The following DENND4C variants were observed in gnomAD, a reference collection of about 807,000 sequenced individuals.
DENND4C encodes the protein DENN domain containing 4C, also known as DENN domain-containing protein 4C.
Under a neutral mutation model 203.0 loss-of-function variants are expected in DENND4C, and 108 were observed. That is an observed-to-expected ratio of 0.53 (90% CI 0.46 to 0.62). The LOEUF is 0.62. Among genes scored for constraint, DENND4C ranks in the 20% least tolerant of loss-of-function variants. The pLI is 0.00. For synonymous variants in DENND4C, 871 were observed against 792.4 expected, an observed-to-expected ratio of 1.10 and a Z score of -1.67; for missense variants, 2,481 against 2,301.2, an observed-to-expected ratio of 1.08 and a Z score of -1.60.
intron 30 of DENND4C, among the ~76,000 whole-genome samples, chr9:19,365,634 C>A (rs934997599): frequency 6.7e-6 from 1 of 150,208 alleles, no homozygotes; most frequent in African/African-American, 2.4e-5. Context: ...TTTATTTTTT[C>A]TATATATATA....
At chr9:19,301,907 A>G (rs1838666849) in intron 9 of DENND4C, among the ~76,000 whole-genome samples, 1 of 152,220 alleles carries the variant, frequency 6.6e-6, no homozygotes, top group Non-Finnish European at 1.5e-5. Context: ...ACTGCACTCC[A>G]GCCTGGTGAC....
At position 19,266,072 on chromosome 9, in the gene DENND4C, A is replaced by G. The variant is rs905233617; in HGVS notation, c.-17-10086A>G. 6.6e-5 allele frequency among the ~76,000 whole-genome samples: 10 copies of G among 152,334 alleles called. 1 individual carries two copies. Among genetic ancestry groups the G allele is most frequent in the Admixed American group, 4.6e-4 (7 of 15,304 alleles). On this transcript the variant is annotated intron_variant, in intron 1 of 32. Transcript: ENST00000434457. ...GTTGAACTAGTTTACAGTCCCACCA[A>G]CAGTGTAAAAGTGTTCCTATTTCTC...
chr9:19,241,816 G>A (rs544120885), intron 1 of DENND4C, among the ~76,000 whole-genome samples: 15 of 152,030 alleles, frequency 9.9e-5, no homozygotes, highest in African/African-American at 3.4e-4. Flanking sequence ...TCAGGAGATT[G>A]GGACCAGCCT....
At chr9:19,272,944 C>CTTTT (rs1564107230) in intron 1 of DENND4C, among the ~76,000 whole-genome samples, 1 of 105,916 alleles carries the variant, frequency 9.4e-6, no homozygotes, top group African/African-American at 3.8e-5. Context: ...ATTTTTGTAT[C>CTTTT]CTTTTTTTTT....
At chr9:19,269,089 C>G (rs1275199478) in intron 1 of DENND4C, among the ~76,000 whole-genome samples, 1 of 152,010 alleles carries the variant, frequency 6.6e-6, no homozygotes, top group Non-Finnish European at 1.5e-5. Context: ...AGGCTATTTT[C>G]TAGATTTTGT....
At chr9:19,315,136 G>A (rs577530529) in intron 10 of DENND4C, among the ~76,000 whole-genome samples, 2 of 133,572 alleles carry the variant, frequency 1.5e-5, no homozygotes, top group South Asian at 4.8e-4. Flanking sequence ...CTCCAGCCTG[G>A]ACGACAGAGA....
At chr9:19,317,185 T>C (rs1029523762) in intron 12 of DENND4C, among the ~76,000 whole-genome samples, 1 of 149,656 alleles carries the variant, frequency 6.7e-6, no homozygotes, top group African/African-American at 2.5e-5. Context: ...TGTACACTTT[T>C]TTTTTTTTTT....
intron 8 of DENND4C, among the ~76,000 whole-genome samples, 161 bp from the exon 9 acceptor site, chr9:19,300,026 C>G (rs1838231888): frequency 6.6e-6 from 1 of 152,168 alleles, no homozygotes; most frequent in South Asian, 2.1e-4. Flanking sequence ...TTAAATCACC[C>G]CGTTATCTAT....
intron 24 of DENND4C, 27 bp downstream of exon 24, chr9:19,350,906 A>T: frequency 6.4e-7 from 1 of 1,566,272 alleles, no homozygotes; most frequent in Non-Finnish European, 8.6e-7. Flanking sequence ...TCCTTTCTTC[A>T]TTTGCTTTAT....
chr9:19,248,483 G>T (rs1162208412), intron 1 of DENND4C, among the ~76,000 whole-genome samples: 5 of 151,956 alleles, frequency 3.3e-5, no homozygotes. Context: ...TCCGCCTCCT[G>T]GGTTCAAGCG....
intron 6 of DENND4C, 60 bp from the exon 7 acceptor site, chr9:19,297,995 TA>T: frequency 7.5e-7 from 1 of 1,331,332 alleles, no homozygotes; most frequent in South Asian, 1.3e-5. Flanking sequence ...TAAGATTTGT[TA>T]AAAACTGTGA....
At chr9:19,306,114 A>G (rs996023787) in intron 10 of DENND4C, among the ~76,000 whole-genome samples, 20 of 152,162 alleles carry the variant, frequency 1.3e-4, no homozygotes, top group African/African-American at 4.8e-4. Flanking sequence ...ATAGTTCTGG[A>G]TGGATGTTTA....
chr9:19,301,428 G>C (rs1838553504), intron 9 of DENND4C, among the ~76,000 whole-genome samples: 1 of 152,158 alleles, frequency 6.6e-6, no homozygotes, highest in South Asian at 2.1e-4. Flanking sequence ...TAGGCCCTCA[G>C]TAAATACTTG....
At chr9:19,295,915 C>T (rs1837370300) in intron 5 of DENND4C, 93 bp from the exon 6 acceptor site, 2 of 998,372 alleles carry the variant, frequency 2.0e-6, no homozygotes, top group Non-Finnish European at 3.0e-6. Context: ...TAAGTGTACT[C>T]CAAGCAAATA....
chr9:19,356,373 G>A (rs1174064482), intron 26 of DENND4C, among the ~76,000 whole-genome samples: 1 of 151,950 alleles, frequency 6.6e-6, no homozygotes, highest in African/African-American at 2.4e-5. Flanking sequence ...ATGTATTTGT[G>A]CAAATTAAAC....
intron 1 of DENND4C, among the ~76,000 whole-genome samples, chr9:19,261,634 C>T (rs1829385099): frequency 6.6e-6 from 1 of 151,560 alleles, no homozygotes; most frequent in African/African-American, 2.4e-5. Flanking sequence ...TCCTCAGTAC[C>T]TGAGGACTAC....
chr9:19,369,794 A>T, intron 30 of DENND4C, 43 bp from the exon 31 acceptor site: 1 of 1,173,012 alleles, frequency 8.5e-7, no homozygotes, highest in Non-Finnish European at 1.1e-6. Context: ...AATAATAATA[A>T]TAGTAATAAT....
At chr9:19,238,043 G>A (rs1048929384) in intron 1 of DENND4C, among the ~76,000 whole-genome samples, 1 of 151,782 alleles carries the variant, frequency 6.6e-6, no homozygotes, top group East Asian at 1.9e-4. Context: ...GTAGGCTCTA[G>A]GGAAGACCCC....
chr9:19,364,910 C>T (rs760972950), intron 30 of DENND4C, among the ~76,000 whole-genome samples: 43 of 149,016 alleles, frequency 2.9e-4, no homozygotes, highest in South Asian at 8.5e-4. Context: ...AAAAAGAAAA[C>T]GAAAAAAAAA....
Sources: gnomAD v4.1 joint callset for allele counts (sites outside exome capture counted in the v4.1 genomes callset) on GRCh38, gnomAD v4.1.1 for gene constraint, MANE v1.5 for transcripts, NCBI Gene and HGNC (gene_info 2026-07-23, HGNC 2026-07-21) for gene names.